NRXN1: variants seen among roughly 807,000 people sequenced by gnomAD.
NRXN1 encodes the protein neurexin-1.
A neutral mutation model predicts 150.9 loss-of-function variants in NRXN1; 39 were observed. The ratio of observed to expected loss-of-function variants is 0.26; its 90% CI spans 0.20 to 0.34. NRXN1 has a LOEUF of 0.34. Ranked by LOEUF, NRXN1 falls within the 10% of genes least tolerant of loss-of-function variation. The pLI is 1.00. For missense variants in NRXN1, 1,815 were observed against 1,949.9 expected, an observed-to-expected ratio of 0.93 and a Z score of 1.30; for synonymous variants, 924 against 757.0, an observed-to-expected ratio of 1.22 and a Z score of -3.62.
At chr2:50,784,034 A>G (rs978115677) in intron 5 of NRXN1, among the ~76,000 whole-genome samples, 1 of 152,140 alleles carries the variant, frequency 6.6e-6, no homozygotes, top group African/African-American at 2.4e-5. Context: ...AAAACCTTGC[A>G]AAATTCTGGA....
intron 10 of NRXN1, among the ~76,000 whole-genome samples, chr2:50,536,015 C>CATTT (rs1357444423): frequency 3.3e-5 from 5 of 152,138 alleles, no homozygotes; most frequent in Non-Finnish European, 5.9e-5. Context: ...CCTTAAGTGA[C>CATTT]CAATGTGTGT....
At chr2:50,535,936 A>G (rs1336007396) in intron 10 of NRXN1, among the ~76,000 whole-genome samples, 2 of 152,168 alleles carry the variant, frequency 1.3e-5, no homozygotes, top group Non-Finnish European at 2.9e-5. Flanking sequence ...TTAATAAGAA[A>G]ACAACTTTAA....
At chr2:50,353,317 C>G (rs1443558451) in intron 17 of NRXN1, among the ~76,000 whole-genome samples, 1 of 152,102 alleles carries the variant, frequency 6.6e-6, no homozygotes, top group Non-Finnish European at 1.5e-5. Flanking sequence ...GGAGCACCAA[C>G]CAATAATATG....
chr2:50,800,949 A>G (rs892484448), intron 5 of NRXN1, among the ~76,000 whole-genome samples: 1 of 152,146 alleles, frequency 6.6e-6, no homozygotes, highest in African/African-American at 2.4e-5. Flanking sequence ...TTTATAGTAA[A>G]CTTTATTTTA....
At chr2:49,986,592 T>G (rs1011428587) in intron 21 of NRXN1, among the ~76,000 whole-genome samples, 1 of 152,132 alleles carries the variant, frequency 6.6e-6, no homozygotes, top group African/African-American at 2.4e-5. Context: ...AAGGGTAAAG[T>G]TTTTTCTTTT....
chr2:50,383,605 C>T (rs148032160), intron 17 of NRXN1, among the ~76,000 whole-genome samples: 4 of 152,290 alleles, frequency 2.6e-5, no homozygotes, highest in African/African-American at 9.6e-5. Flanking sequence ...ACACCCCCTA[C>T]TATGGCTTTA....
intron 21 of NRXN1, among the ~76,000 whole-genome samples, chr2:50,033,582 T>A (rs565470871): frequency 6.6e-6 from 1 of 151,870 alleles, no homozygotes; most frequent in Non-Finnish European, 1.5e-5. Flanking sequence ...GATTTCATGA[T>A]AAAGACACCA....
intron 5 of NRXN1, among the ~76,000 whole-genome samples, chr2:50,773,349 C>A (rs1703236446): frequency 6.6e-6 from 1 of 152,106 alleles, no homozygotes; most frequent in Admixed American, 6.6e-5. Context: ...TTATTATTAT[C>A]TTCCAATGAG....
At chr2:50,584,745 T>C (rs778087383) in intron 8 of NRXN1, among the ~76,000 whole-genome samples, 17 of 152,134 alleles carry the variant, frequency 1.1e-4, no homozygotes, top group Non-Finnish European at 2.2e-4. Flanking sequence ...GCCACTATAG[T>C]TTGGTATGCT....
intron 17 of NRXN1, among the ~76,000 whole-genome samples, chr2:50,376,962 C>CT (rs35715075): frequency 1.4e-3 from 206 of 148,340 alleles, no homozygotes; most frequent in African/African-American, 4.3e-3. Flanking sequence ...CTTTTCTTTT[C>CT]TTTTTTTTTT....
At chr2:50,265,938 C>T (rs1004344285) in intron 17 of NRXN1, among the ~76,000 whole-genome samples, 2 of 149,982 alleles carry the variant, frequency 1.3e-5, no homozygotes, top group African/African-American at 4.9e-5. Flanking sequence ...GGTTTGAGGA[C>T]CAATTTTTTA....
intron 5 of NRXN1, among the ~76,000 whole-genome samples, chr2:50,860,610 A>T (rs1222721808): frequency 1.3e-5 from 2 of 152,106 alleles, no homozygotes; most frequent in Admixed American, 6.6e-5. Context: ...AGTAGTTTGC[A>T]GAGGCAAGGC....
At chr2:50,633,376 C>T (rs1682685858) in intron 5 of NRXN1, among the ~76,000 whole-genome samples, 1 of 152,038 alleles carries the variant, frequency 6.6e-6, no homozygotes, top group African/African-American at 2.4e-5. Flanking sequence ...ATATCCCCAG[C>T]ACATTAAGTA....
intron 8 of NRXN1, among the ~76,000 whole-genome samples, chr2:50,613,824 G>A (rs1033666213): frequency 6.6e-6 from 1 of 152,126 alleles, no homozygotes; most frequent in Non-Finnish European, 1.5e-5. Context: ...TGTAGTCCCA[G>A]CTACTCGGGA....
intron 5 of NRXN1, among the ~76,000 whole-genome samples, chr2:50,649,653 G>C (rs575997062): frequency 1.5e-4 from 23 of 152,088 alleles, no homozygotes; most frequent in East Asian, 1.2e-3. Context: ...AATGGAACTA[G>C]TAATACCTAC....
At chr2:50,421,662 G>C (rs2084009467) in intron 17 of NRXN1, among the ~76,000 whole-genome samples, 1 of 152,046 alleles carries the variant, frequency 6.6e-6, no homozygotes, top group Middle Eastern at 3.2e-3. Context: ...ATTACCTGCA[G>C]GATGACATCA....
chr2:50,055,292 A>G (rs757419469), intron 19 of NRXN1, among the ~76,000 whole-genome samples: 3 of 152,218 alleles, frequency 2.0e-5, no homozygotes, highest in Non-Finnish European at 4.4e-5. Flanking sequence ...TATTAAACTT[A>G]TGTTATAGAC....
At chr2:50,649,154 G>T (rs2104541350) in intron 5 of NRXN1, among the ~76,000 whole-genome samples, 1 of 151,494 alleles carries the variant, frequency 6.6e-6, no homozygotes, top group East Asian at 2.0e-4. Flanking sequence ...AGTTAGAATT[G>T]TATTCAAATT....
chr2:50,082,621 T>C (rs1183755660), intron 19 of NRXN1, among the ~76,000 whole-genome samples: 1 of 152,218 alleles, frequency 6.6e-6, no homozygotes, highest in African/African-American at 2.4e-5. Flanking sequence ...CAAAACAGAA[T>C]AAATTTTTAT....
Sources: allele counts gnomAD v4.1 joint callset (sites outside exome capture counted in the v4.1 genomes callset), GRCh38; gene constraint gnomAD v4.1.1; transcripts MANE v1.5; gene names NCBI Gene and HGNC (gene_info 2026-07-23, HGNC 2026-07-21).